PLEKHA6: variants seen among roughly 807,000 people sequenced by gnomAD.
The protein encoded by PLEKHA6 is pleckstrin homology domain-containing family A member 6.
PLEKHA6 carries 60 observed loss-of-function variants against 116.7 expected under a neutral mutation model. That is an observed-to-expected ratio of 0.51 (90% CI 0.42 to 0.64). The LOEUF is 0.64. Ranked by LOEUF, PLEKHA6 falls within the 30% of genes least tolerant of loss-of-function variation. The probability of loss-of-function intolerance (pLI) is 0.00; values close to 1 mark genes in which losing one functional copy is unlikely to be tolerated. For missense variants in PLEKHA6, 1,338 were observed against 1,422.7 expected (o/e 0.94, Z 0.96); for synonymous variants, 489 against 556.1 (o/e 0.88, Z 1.70).
At position 204,373,906 on chromosome 1, in the gene PLEKHA6, T is replaced by C. The variant is rs533916789; in HGVS notation, c.84-2300A>G. ...ACTGGGTCTCTGGTCTTGGCTTTGG[T>C]CCTGGGAGGCAGTGGAAGAGGAAGC... is the stretch of plus-strand genomic sequence containing the variant. On this transcript the variant is annotated intron_variant, in intron 1 of 4. Coordinates refer to the PLEKHA6 transcript ENST00000564627. 1.5e-3 allele frequency among the ~76,000 whole-genome samples: 229 copies of C among 152,186 alleles called. 1 individual carries two copies. Among genetic ancestry groups the C allele is most frequent in the Non-Finnish European group, 2.6e-3 (177 of 68,000 alleles).
chr1:204,245,117 G>A, intron 14 of PLEKHA6, 114 bp from the exon 15 acceptor site: 1 of 729,570 alleles, frequency 1.4e-6, no homozygotes, highest in South Asian at 2.5e-5. Flanking sequence ...ATGTGGAAGG[G>A]CAGATTTAGT....
intron 17 of PLEKHA6, among the ~76,000 whole-genome samples, chr1:204,240,048 A>C (rs989534464): frequency 6.6e-6 from 1 of 152,204 alleles, no homozygotes; most frequent in Non-Finnish European, 1.5e-5. Flanking sequence ...GATTCCTCGT[A>C]CCTTTAAATC....
At chr1:204,280,478 C>T (rs1476491659) in intron 1 of PLEKHA6, 1 of 984,378 alleles carries the variant, frequency 1.0e-6, no homozygotes, top group African/African-American at 1.7e-5. Context: ...CACCAAGCTG[C>T]TTCATTTCCA....
intron 17 of PLEKHA6, among the ~76,000 whole-genome samples, chr1:204,232,699 C>G (rs1168488344): frequency 2.0e-5 from 3 of 152,102 alleles, no homozygotes; most frequent in African/African-American, 7.2e-5. Flanking sequence ...CACATGCTAA[C>G]CTTCAAGGAA....
At chr1:204,251,998 C>T (rs556635472) in intron 9 of PLEKHA6, among the ~76,000 whole-genome samples, 1 of 152,172 alleles carries the variant, frequency 6.6e-6, no homozygotes, top group South Asian at 2.1e-4. Flanking sequence ...CTGATCTCCC[C>T]AAAGTTGAAC....
At chr1:204,240,922 A>T (rs1356464476) in intron 17 of PLEKHA6, among the ~76,000 whole-genome samples, 4 of 152,180 alleles carry the variant, frequency 2.6e-5, no homozygotes, top group Non-Finnish European at 5.9e-5. Flanking sequence ...GCAGAAAAAC[A>T]TGAAAAGGAG....
intron 1 of PLEKHA6, among the ~76,000 whole-genome samples, chr1:204,308,690 T>TC (rs1444771898): frequency 4.3e-5 from 5 of 116,184 alleles, no homozygotes; most frequent in Admixed American, 8.6e-5. Context: ...TCTTTTTCTT[T>TC]TTTTTTTTTT....
intron 17 of PLEKHA6, among the ~76,000 whole-genome samples, chr1:204,237,457 C>T (rs1046116626): frequency 1.3e-5 from 2 of 152,198 alleles, no homozygotes; most frequent in African/African-American, 4.8e-5. Context: ...TGATTCCCAC[C>T]ACATCCCCAT....
At chr1:204,284,641 C>T (rs956566067) in intron 1 of PLEKHA6, among the ~76,000 whole-genome samples, 8 of 151,304 alleles carry the variant, frequency 5.3e-5, no homozygotes, top group African/African-American at 1.7e-4. Context: ...CCCTGACGCC[C>T]CCGAGAGGAA....
intron 15 of PLEKHA6, among the ~76,000 whole-genome samples, chr1:204,242,752 C>T (rs896141684): frequency 6.6e-6 from 1 of 152,248 alleles, no homozygotes; most frequent in African/African-American, 2.4e-5. Context: ...GATGGGCACA[C>T]GAAGGGATCG....
At chr1:204,354,431 T>C (rs1673363607) in intron 1 of PLEKHA6, among the ~76,000 whole-genome samples, 1 of 152,208 alleles carries the variant, frequency 6.6e-6, no homozygotes, top group Admixed American at 6.5e-5. Flanking sequence ...CCTAAAAACA[T>C]TTCCCACCAA....
chr1:204,340,667 C>G (rs1383290878), intron 1 of PLEKHA6, among the ~76,000 whole-genome samples: 5 of 152,154 alleles, frequency 3.3e-5, no homozygotes, highest in Admixed American at 3.3e-4. Context: ...CGTTGGCCAG[C>G]AACATTCCTG....
chr1:204,300,615 C>T (rs1670722039), intron 1 of PLEKHA6, among the ~76,000 whole-genome samples: 1 of 152,172 alleles, frequency 6.6e-6, no homozygotes, highest in Admixed American at 6.5e-5. Context: ...AAAGTACCCC[C>T]CTAATCAGAG....
chr1:204,362,448 C>T (rs1673579678), upstream of PLEKHA6, among the ~76,000 whole-genome samples: 1 of 152,146 alleles, frequency 6.6e-6, no homozygotes, highest in Non-Finnish European at 1.5e-5. Flanking sequence ...ACACACGGGT[C>T]CTCCCCACCT....
rs1665889078 is a variant in PLEKHA6 at position 204,259,881 on chromosome 1, T to C, written c.525-141A>G. The stretch of plus-strand genomic sequence containing the variant: ...ACCAGGATTCTATGAACTCCAGTTC[T>C]GCTTCCTAAGTCCCACCCCTTCACC... On this transcript the variant is annotated intron_variant, in intron 7 of 22. Coordinates refer to ENST00000272203, the MANE Select transcript of PLEKHA6 (RefSeq NM_014935.5). The surrounding 1 kb of genome is among the most constrained non-coding windows in gnomAD (Gnocchi z 4.6). 4.6e-6 allele frequency: 4 copies of C among 862,572 alleles called. No homozygotes were observed. In the South Asian group the frequency reaches 5.5e-5, roughly 12 times the overall value. 53.4% of individuals were successfully genotyped at this position (862,572 alleles called of 1,614,324 possible).
At chr1:204,370,900 A>C (rs1673760924) in intron 2 of PLEKHA6, among the ~76,000 whole-genome samples, 2 of 152,056 alleles carry the variant, frequency 1.3e-5, no homozygotes, top group African/African-American at 4.8e-5. Flanking sequence ...CTAACAATAC[A>C]AAAATTAGCT....
intron 9 of PLEKHA6, among the ~76,000 whole-genome samples, chr1:204,252,042 C>G (rs2102677607): frequency 6.6e-6 from 1 of 152,120 alleles, no homozygotes; most frequent in South Asian, 2.1e-4. Flanking sequence ...AATCTAGGAC[C>G]TGCTCTTTGG....
chr1:204,323,663 A>T lies in PLEKHA6; in HGVS notation c.-95+36031T>A, dbSNP rs576166492. ...TATTCCTGGTGCATAATAGGTGCTC[A>T]GTATGTGTTTGTCAAATGAATAAAC... On this transcript the variant is annotated intron_variant, in intron 1 of 22. Coordinates refer to ENST00000272203, the MANE Select transcript of PLEKHA6 (RefSeq NM_014935.5). 4.6e-5 allele frequency among the ~76,000 whole-genome samples: 7 copies of T among 152,360 alleles called. No homozygotes were observed. The East Asian group carries it at 1.3e-3, about 29-fold the overall frequency.
intron 1 of PLEKHA6, among the ~76,000 whole-genome samples, chr1:204,328,451 C>T (rs1393911323): frequency 2.6e-5 from 4 of 151,340 alleles, no homozygotes; most frequent in East Asian, 1.9e-4. Context: ...CGCTGGAGTG[C>T]GATGGCACCA....
Sources: gnomAD v4.1 joint callset for allele counts (sites outside exome capture counted in the v4.1 genomes callset) on GRCh38, gnomAD v4.1.1 for gene constraint, Gnocchi (gnomAD v3.1) non-coding constraint, MANE v1.5 for transcripts, NCBI Gene and HGNC (gene_info 2026-07-23, HGNC 2026-07-21) for gene names.